Variants in PRH1 observed in about 807,000 individuals in gnomAD.
The protein encoded by PRH1 is proline rich protein HaeIII subfamily 1.
In PRH1, 7 loss-of-function variants were observed where a neutral mutation model predicts 7.9. The observed-to-expected ratio is 0.89, with a 90% CI of 0.50 to 1.67. The LOEUF (loss-of-function observed/expected upper bound fraction) is 1.67. Among genes scored for constraint, PRH1 ranks in the 40% most tolerant of loss-of-function variants. The pLI is 0.00. For synonymous variants in PRH1, 45 were observed against 80.8 expected (o/e 0.56, Z 2.38); for missense variants, 109 against 223.6 (o/e 0.49, Z 3.27).
chr12:11,141,549 C>A (rs1477858184), intron 1 of PRH1, among the ~76,000 whole-genome samples: 1 of 152,168 alleles, frequency 6.6e-6, no homozygotes, highest in Non-Finnish European at 1.5e-5. Context: ...TTTTCTGCTT[C>A]ATATAGGTAT....
rs1170231356 is a variant in PRH1 at position 11,087,939 on chromosome 12, T to G, written n.124-40751A>C. Among the ~76,000 whole-genome samples the G allele has an allele frequency of 2.7e-5, 3 of 110,506 alleles. 1 individual carries two copies. Among genetic ancestry groups the G allele is most frequent in the South Asian group, 4.8e-4 (2 of 4,136 alleles). 72.5% of individuals were successfully genotyped at this position (110,506 alleles called of 152,430 possible). A position where few individuals can be genotyped will look rare whatever the true frequency, so the allele number is the denominator to read the frequency against. On this transcript the variant is annotated intron_variant and non_coding_transcript_variant, in intron 1 of 4. Transcript: ENST00000541977. ...TGAGGAAAAATCAAAACAATTTGCC[T>G]CGTTTTATAATAATAATAACACTGT...
intron 1 of PRH1, among the ~76,000 whole-genome samples, chr12:11,111,183 G>C (rs955204886): frequency 1.3e-5 from 2 of 152,202 alleles, no homozygotes; most frequent in African/African-American, 4.8e-5. Flanking sequence ...AAGAGACTTA[G>C]ACTCCCACAC....
Position 11,056,304 on chromosome 12 carries a change from T to C in PRH1, n.124-9116A>G, listed in dbSNP as rs1052015636. Among the ~76,000 whole-genome samples the C allele has an allele frequency of 1.3e-4, 20 of 152,288 alleles. 1 individual carries two copies. ...TCTGTGTATGAATAGTCAGTTGTAT[T>C]TTCCTCTATTTAATTCATTTTTGAT... On this transcript the variant is annotated intron_variant and non_coding_transcript_variant, in intron 1 of 4. Coordinates refer to the PRH1 transcript ENST00000541977.
chr12:10,990,474 C>T (rs1939880723), intron 1 of PRH1, among the ~76,000 whole-genome samples: 1 of 152,170 alleles, frequency 6.6e-6, no homozygotes, highest in Admixed American at 6.6e-5. Context: ...GTGTTGCTAG[C>T]ATGGGATAGC....
Position 11,092,757 on chromosome 12 carries a change from T to TA in PRH1, n.124-45570_124-45569insT, listed in dbSNP as rs1477509787. Among the ~76,000 whole-genome samples the TA allele has an allele frequency of 6.0e-5, 7 of 115,782 alleles. 2 individuals are homozygous for TA. The highest frequency in any genetic ancestry group is 1.7e-4 in the Admixed American group (2 of 11,540). 76.0% of individuals were successfully genotyped at this position (115,782 alleles called of 152,430 possible). A position where few individuals can be genotyped will look rare whatever the true frequency, so the allele number is the denominator to read the frequency against. ...CAGGAAGTATAGCTGGCTTCATCTC[T>TA]CAATCTAATAAAACTGGGTGTGATT... On this transcript the variant is annotated intron_variant and non_coding_transcript_variant, in intron 1 of 4. Transcript: ENST00000541977.
chr12:11,004,995 G>A (rs1171280962), intron 1 of PRH1, among the ~76,000 whole-genome samples: 2 of 152,028 alleles, frequency 1.3e-5, no homozygotes, highest in African/African-American at 4.8e-5. Flanking sequence ...TTTTAAGGCA[G>A]GCCTAATATC....
intron 2 of PRH1, among the ~76,000 whole-genome samples, chr12:10,906,620 C>A (rs1051346098): frequency 1.1e-4 from 17 of 152,158 alleles, no homozygotes; most frequent in African/African-American, 4.1e-4. Flanking sequence ...CCATACTGTT[C>A]TCATGGTAGT....
intron 1 of PRH1, among the ~76,000 whole-genome samples, chr12:11,170,450 G>C (rs1947793732): frequency 6.6e-6 from 1 of 152,258 alleles, no homozygotes; most frequent in South Asian, 2.1e-4. Context: ...AGGAGGCTGA[G>C]GCAGGAGAAT....
intron 2 of PRH1, chr12:10,930,426 T>A (rs1175935572): frequency 1.4e-6 from 2 of 1,473,244 alleles, no homozygotes; most frequent in East Asian, 2.3e-5. Flanking sequence ...CCCAGAGATA[T>A]AAACAGTTTT....
intron 1 of PRH1, among the ~76,000 whole-genome samples, chr12:11,121,674 T>C (rs548753803): frequency 6.6e-6 from 1 of 152,318 alleles, no homozygotes; most frequent in East Asian, 1.9e-4. Context: ...TAGTATTCTT[T>C]AGTACTGTTT....
At chr12:10,887,825 G>C (rs1565451402), upstream of PRH1, among the ~76,000 whole-genome samples, 1 of 152,146 alleles carries the variant, frequency 6.6e-6, no homozygotes, top group Non-Finnish European at 1.5e-5. Context: ...AGTTTAACCG[G>C]ATGTTGTCGA....
chr12:11,028,686 A>G (rs1221104163), intron 1 of PRH1, among the ~76,000 whole-genome samples: 1 of 152,262 alleles, frequency 6.6e-6, no homozygotes. Context: ...ATATTCAAAT[A>G]GACCAAAGTT....
chr12:11,136,597 CAT>C (rs1262397445), intron 1 of PRH1, among the ~76,000 whole-genome samples: 1 of 152,176 alleles, frequency 6.6e-6, no homozygotes, highest in African/African-American at 2.4e-5. Flanking sequence ...TTGCCATTTG[CAT>C]ATGTCTTATC....
At chr12:10,902,896 C>T (rs770009983) in intron 2 of PRH1, among the ~76,000 whole-genome samples, 3 of 152,100 alleles carry the variant, frequency 2.0e-5, no homozygotes, top group Non-Finnish European at 2.9e-5. Context: ...AAATCTGCTA[C>T]CAAAATAGCA....
At position 10,980,654 on chromosome 12, in the gene PRH1, T is replaced by C. The variant is rs144763913; in HGVS notation, c.-125-6933A>G. ...CTACATTATCAGTAAGGAGACTCCA[T>C]GAGATCACCAACAAAACAAGCCCGA... On this transcript the variant is annotated intron_variant, in intron 1 of 3. Coordinates refer to the PRH1 transcript ENST00000539853. Among the ~76,000 whole-genome samples the C allele has an allele frequency of 4.1e-3, 630 of 152,262 alleles. 9 individuals carry two copies. The highest frequency in any genetic ancestry group is 0.017 in the East Asian group (88 of 5,176).
chr12:11,040,098 G>C (rs1376195813), intron 1 of PRH1, among the ~76,000 whole-genome samples: 2 of 152,096 alleles, frequency 1.3e-5, no homozygotes, highest in Non-Finnish European at 2.9e-5. Context: ...TGGGTGACTT[G>C]AAAAACACAT....
intron 2 of PRH1, chr12:10,909,271 T>C (rs770569229): frequency 6.2e-7 from 1 of 1,613,150 alleles, no homozygotes. Context: ...ATTACAAGAG[T>C]GAAGATACTC....
chr12:11,140,883 A>AT (rs1429734539), intron 1 of PRH1, among the ~76,000 whole-genome samples: 1 of 151,596 alleles, frequency 6.6e-6, no homozygotes, highest in African/African-American at 2.4e-5. Flanking sequence ...AAGTAGATTT[A>AT]TTTTTTTTCA....
chr12:11,171,514 A>G (rs1201595668), upstream of PRH1: 5 of 1,232,140 alleles, frequency 4.1e-6, no homozygotes, highest in African/African-American at 3.1e-5. Flanking sequence ...CCGTACTTCT[A>G]CGTCGCGGGC....
Sources: gnomAD v4.1 joint callset for allele counts (sites outside exome capture counted in the v4.1 genomes callset) on GRCh38, gnomAD v4.1.1 for gene constraint, MANE v1.5 for transcripts, NCBI Gene and HGNC (gene_info 2026-07-23, HGNC 2026-07-21) for gene names.